The following BLK variants were observed in gnomAD, a reference collection of about 807,000 sequenced individuals.
BLK encodes the protein tyrosine-protein kinase Blk.
BLK carries 64 observed loss-of-function variants against 61.8 expected under a neutral mutation model. That is an observed-to-expected ratio of 1.03 (90% CI 0.85 to 1.27). BLK has a LOEUF of 1.27. BLK is among the 50% of genes most tolerant of loss of function. The pLI, the probability that BLK is intolerant of heterozygous loss-of-function variation, is 0.00. For synonymous variants in BLK, 351 were observed against 272.0 expected (o/e 1.29, Z -2.86); for missense variants, 853 against 660.5 (o/e 1.29, Z -3.19).
chr8:11,555,911 G>T (rs1801192093), intron 8 of BLK: 13 of 331,612 alleles, frequency 3.9e-5, no homozygotes, highest in South Asian at 3.1e-4. Context: ...AGTCACTGAA[G>T]CTCCAGGCCT....
intron 1 of BLK, among the ~76,000 whole-genome samples, chr8:11,542,285 A>C (rs543567728): frequency 6.6e-6 from 1 of 152,338 alleles, no homozygotes; most frequent in South Asian, 2.1e-4. Context: ...AAAGTGAAAA[A>C]AGGTCCATCT....
intron 1 of BLK, among the ~76,000 whole-genome samples, chr8:11,508,638 G>A (rs974000084): frequency 7.2e-5 from 11 of 152,234 alleles, no homozygotes; most frequent in African/African-American, 2.4e-4. Context: ...CGGGTCTCCT[G>A]GAATTGGAAC....
At chr8:11,551,358 G>T (rs544087524) in intron 6 of BLK, among the ~76,000 whole-genome samples, 1 of 152,282 alleles carries the variant, frequency 6.6e-6, no homozygotes, top group Admixed American at 6.5e-5. Flanking sequence ...CGTCTTCTCT[G>T]TGTCCTCACG....
intron 2 of BLK, 82 bp from the exon 3 acceptor site, chr8:11,545,970 G>C: frequency 6.9e-7 from 1 of 1,450,410 alleles, no homozygotes; most frequent in Non-Finnish European, 9.7e-7. Context: ...TACCCTGGCT[G>C]CCCGGCTCAG....
At chr8:11,525,643 A>C (rs2117352522) in intron 1 of BLK, among the ~76,000 whole-genome samples, 1 of 152,344 alleles carries the variant, frequency 6.6e-6, no homozygotes, top group Non-Finnish European at 1.5e-5. Flanking sequence ...TCAAAAATTT[A>C]AACAGTCAGA....
intron 1 of BLK, among the ~76,000 whole-genome samples, chr8:11,513,515 C>T (rs1799104294): frequency 6.6e-6 from 1 of 152,216 alleles, no homozygotes; most frequent in East Asian, 1.9e-4. Context: ...GTCTGTCCCT[C>T]AGCATCCCCT....
intron 1 of BLK, among the ~76,000 whole-genome samples, chr8:11,514,824 C>A (rs1799159333): frequency 1.3e-5 from 2 of 152,146 alleles, no homozygotes; most frequent in Admixed American, 6.5e-5. Flanking sequence ...CTGTTTCATA[C>A]TTTCTGTATC....
At chr8:11,561,886 T>G (rs554216607) in intron 11 of BLK, among the ~76,000 whole-genome samples, 2 of 152,112 alleles carry the variant, frequency 1.3e-5, no homozygotes, top group Non-Finnish European at 2.9e-5. Flanking sequence ...TGGCACAATC[T>G]TGGCTCACTG....
chr8:11,543,398 C>A (rs983276775), intron 2 of BLK, 51 bp downstream of exon 2: 2 of 1,605,636 alleles, frequency 1.2e-6, no homozygotes, highest in East Asian at 2.2e-5. Context: ...TTCTCCTATG[C>A]CTTAATGTCC....
chr8:11,556,437 C>T (rs923500717), intron 8 of BLK: 1 of 601,358 alleles, frequency 1.7e-6, no homozygotes, highest in South Asian at 1.9e-5. Flanking sequence ...GGTGAAATGC[C>T]CCCCAGGCAG....
intron 1 of BLK, among the ~76,000 whole-genome samples, chr8:11,523,277 G>A (rs554055754): frequency 6.6e-6 from 1 of 152,212 alleles, no homozygotes; most frequent in East Asian, 1.9e-4. Context: ...AGTTCAGTTG[G>A]GCATGGTGGC....
intron 1 of BLK, among the ~76,000 whole-genome samples, chr8:11,541,093 C>T (rs2117434715): frequency 6.6e-6 from 1 of 152,214 alleles, no homozygotes; most frequent in East Asian, 1.9e-4. Context: ...TGGCAAAACC[C>T]TGTCTCTACC....
Position 11,543,361 on chromosome 8 carries a change from C to T in BLK, c.123+14C>T. 1.2e-6 allele frequency: 2 copies of T among 1,612,138 alleles called. No homozygotes were observed. The highest frequency in any genetic ancestry group is 1.3e-5 in the African/African-American group (1 of 75,040). On this transcript the variant is annotated intron_variant, in intron 2 of 12. Transcript: ENST00000259089. ...CTGCCGCCCCTGGTGAGTGATTGCC[C>T]ACCCCCACCAAGAGCAGATTACTTA... is the stretch of plus-strand genomic sequence containing the variant.
chr8:11,546,217 A>C (rs902322908), intron 3 of BLK, 114 bp downstream of exon 3: 11 of 1,312,588 alleles, frequency 8.4e-6, no homozygotes, highest in Non-Finnish European at 1.2e-5. Flanking sequence ...GAGAAGAGAA[A>C]ACGGGGAAGC....
chr8:11,505,962 G>T (rs1282374545), intron 1 of BLK, among the ~76,000 whole-genome samples: 1 of 152,186 alleles, frequency 6.6e-6, no homozygotes, highest in South Asian at 2.1e-4. Flanking sequence ...CCTCCGATAA[G>T]ACCTCTCCCC....
At chr8:11,524,778 C>G (rs1036035254) in intron 1 of BLK, among the ~76,000 whole-genome samples, 2 of 152,108 alleles carry the variant, frequency 1.3e-5, no homozygotes, top group African/African-American at 4.8e-5. Flanking sequence ...TTCATTAAAC[C>G]TCACGATCAG....
At chr8:11,553,953 C>A (rs935109149) in intron 6 of BLK, among the ~76,000 whole-genome samples, 1 of 152,076 alleles carries the variant, frequency 6.6e-6, no homozygotes, top group Non-Finnish European at 1.5e-5. Flanking sequence ...TGGTACTGCT[C>A]GAGGTAGGCG....
intron 1 of BLK, among the ~76,000 whole-genome samples, chr8:11,531,224 A>G (rs955445773): frequency 6.6e-6 from 1 of 152,176 alleles, no homozygotes; most frequent in Non-Finnish European, 1.5e-5. Context: ...ATATAGATAC[A>G]TGTTTTTCAA....
rs200875749 is a variant in BLK, at chr8:11,554,839, C to G, written c.569C>G (p.Ser190Cys). 22 of 1,613,646 alleles carry G rather than the reference C, an allele frequency of 1.4e-5. No homozygotes were observed. Among genetic ancestry groups the G allele is most frequent in the Middle Eastern group, 1.7e-4 (1 of 6,054 alleles). ...CTGGATGAAGGGGGCTACTACATCT[C>G]CCCCCGGATCACCTTCCCCTCGCTC... ...RCLDEGGYYI[S>C]PRITFPSLQA... The change falls in exon 7 of 13, where the codon TCC (serine) becomes TGC (cysteine). Residue 190 changes from serine to cysteine, a missense_variant. Ser to Cys is a moderately radical substitution (Grantham distance 112). Coordinates refer to ENST00000259089, the MANE Select transcript of BLK (RefSeq NM_001715.3).
Sources: allele counts gnomAD v4.1 joint callset (sites outside exome capture counted in the v4.1 genomes callset), GRCh38; gene constraint gnomAD v4.1.1; transcripts MANE v1.5; gene names NCBI Gene and HGNC (gene_info 2026-07-23, HGNC 2026-07-21).